The following BLTP1 variants were observed in gnomAD, a reference collection of about 807,000 sequenced individuals.
The protein encoded by BLTP1 is fragile site-associated protein.
the BLTP1 span, chr4:122,361,911 C>A: frequency 1.8e-6 from 2 of 1,107,866 alleles, no homozygotes; most frequent in Non-Finnish European, 2.5e-6. Flanking sequence ...TACAAATGTA[C>A]CTACTGAAAA....
chr4:122,171,158 C>T, the BLTP1 span, among the ~76,000 whole-genome samples: 27 of 152,172 alleles, frequency 1.8e-4, no homozygotes, highest in African/African-American at 6.5e-4. Flanking sequence ...CTTTTAATCT[C>T]TTTCCTCATT....
chr4:122,298,655 C>A, the BLTP1 span: 1 of 568,718 alleles, frequency 1.8e-6, no homozygotes, highest in Non-Finnish European at 2.2e-6. Flanking sequence ...CTGTTTGGAA[C>A]ATTAGGTATT....
chr4:122,243,346 A>G, the BLTP1 span: 1 of 905,728 alleles, frequency 1.1e-6, no homozygotes, highest in Non-Finnish European at 1.3e-6. Flanking sequence ...CATCAGGTAA[A>G]TATATTAAAA....
At chr4:122,179,902 G>A in the BLTP1 span, 1 of 985,072 alleles carries the variant, frequency 1.0e-6, no homozygotes, top group Non-Finnish European at 1.2e-6. Context: ...TACAGACAGG[G>A]GTACCATTCC....
At chr4:122,245,025 T>C in the BLTP1 span, 1 of 1,608,564 alleles carries the variant, frequency 6.2e-7, no homozygotes, top group Non-Finnish European at 8.5e-7. Context: ...CTCAGATATA[T>C]TGAAGCAATG....
chr4:122,281,015 AGTTTCAGCACTCTAGCTATGCTTCCTC>A, the BLTP1 span, among the ~76,000 whole-genome samples: 1 of 152,216 alleles, frequency 6.6e-6, no homozygotes, highest in Non-Finnish European at 1.5e-5. Flanking sequence ...TTCAAATCCT[AGTTTCAGCACTCTAGCTATGCTTCCTC>A]ATTTTGCAAC....
At chr4:122,293,025 C>A in the BLTP1 span, 4 of 911,686 alleles carry the variant, frequency 4.4e-6, no homozygotes, top group Admixed American at 1.9e-4. Flanking sequence ...CTTAATAACA[C>A]TTCTTAAGTC....
the BLTP1 span, chr4:122,225,804 C>T: frequency 6.6e-6 from 1 of 152,136 alleles, no homozygotes; most frequent in Non-Finnish European, 1.5e-5. Context: ...CTTATTATCT[C>T]CCATTTCCCA....
the BLTP1 span, chr4:122,174,891 T>G: frequency 3.3e-6 from 1 of 306,802 alleles, no homozygotes; most frequent in Non-Finnish European, 4.8e-6. Flanking sequence ...CATTTCTAGA[T>G]GAGAAAGTGA....
chr4:122,193,812 T>A, the BLTP1 span: 5 of 194,896 alleles, frequency 2.6e-5, no homozygotes, highest in South Asian at 3.5e-4. Context: ...AATGCTTTTT[T>A]AAAAAGTGCC....
chr4:122,360,050 G>A, the BLTP1 span: 1 of 985,244 alleles, frequency 1.0e-6, no homozygotes, highest in Non-Finnish European at 1.2e-6. Context: ...GTTTGAGGTA[G>A]CTACTGTAAA....
At chr4:122,179,062 T>C in the BLTP1 span, among the ~76,000 whole-genome samples, 1 of 152,072 alleles carries the variant, frequency 6.6e-6, no homozygotes, top group Non-Finnish European at 1.5e-5. Flanking sequence ...GAGGATTGCT[T>C]GAGCCAGGAG....
the BLTP1 span, chr4:122,204,795 G>C: frequency 2.5e-5 from 18 of 714,238 alleles, no homozygotes; most frequent in African/African-American, 3.5e-4. Context: ...AGAAAGCAGG[G>C]ATAGAGTCAG....
At chr4:122,233,320 A>G in the BLTP1 span, among the ~76,000 whole-genome samples, 1 of 152,210 alleles carries the variant, frequency 6.6e-6, no homozygotes, top group African/African-American at 2.4e-5. Flanking sequence ...TATGCCCACA[A>G]TGATCTTTAA....
the BLTP1 span, chr4:122,247,069 T>G: frequency 7.0e-7 from 1 of 1,437,692 alleles, no homozygotes; most frequent in Non-Finnish European, 9.4e-7. Context: ...AGTGTTTTGT[T>G]TTTTTTAAAG....
the BLTP1 span, among the ~76,000 whole-genome samples, chr4:122,283,874 T>C: frequency 6.6e-6 from 1 of 152,206 alleles, no homozygotes; most frequent in Non-Finnish European, 1.5e-5. Flanking sequence ...TGTAGGAACT[T>C]AATTGAATCT....
chr4:122,214,340 AAT>A, the BLTP1 span: 1 of 929,052 alleles, frequency 1.1e-6, no homozygotes, highest in African/African-American at 1.8e-5. Context: ...ATCATTCATA[AAT>A]TCAAGCATAA....
At chr4:122,255,027 A>C in the BLTP1 span, 1 of 1,494,444 alleles carries the variant, frequency 6.7e-7, no homozygotes, top group Non-Finnish European at 9.1e-7. Flanking sequence ...GTTAATCATT[A>C]TTGGAAAATA....
the BLTP1 span, chr4:122,331,035 A>G: frequency 1.0e-6 from 1 of 965,308 alleles, no homozygotes; most frequent in East Asian, 1.1e-4. Context: ...ATAATTTGAG[A>G]AAATGAAATA....
Sources: gnomAD v4.1 joint callset for allele counts (sites outside exome capture counted in the v4.1 genomes callset) on GRCh38, gnomAD v4.1.1 for gene constraint, MANE v1.5 for transcripts, NCBI Gene and HGNC (gene_info 2026-07-23, HGNC 2026-07-21) for gene names.